COL22A1: variants seen among roughly 807,000 people sequenced by gnomAD.
The protein encoded by COL22A1 is collagen type XXII alpha 1 chain, also known as collagen alpha-1(XXII) chain.
In COL22A1, 221 loss-of-function variants were observed where a neutral mutation model predicts 248.9. The observed-to-expected ratio is 0.89, with a 90% CI of 0.80 to 0.99. The LOEUF (loss-of-function observed/expected upper bound fraction) is 0.99, where lower values mean the gene tolerates loss of function less well. Ranked by LOEUF, COL22A1 falls within the 50% of genes least tolerant of loss-of-function variation. COL22A1 has a pLI of 0.00. For missense variants in COL22A1, 2,240 were observed against 2,179.0 expected (o/e 1.03, Z -0.56); for synonymous variants, 891 against 793.4 (o/e 1.12, Z -2.07).
At chr8:138,625,537 G>A (rs1820167264) in intron 51 of COL22A1, among the ~76,000 whole-genome samples, 1 of 152,176 alleles carries the variant, frequency 6.6e-6, no homozygotes. Context: ...ATATTAAATG[G>A]AAAAGTTCAG....
intron 2 of COL22A1, among the ~76,000 whole-genome samples, chr8:138,879,352 C>T (rs185656044): frequency 0.012 from 1,868 of 152,198 alleles, 18 homozygotes; most frequent in Non-Finnish European, 0.018. Context: ...GAAGTGTTTT[C>T]CAATCTCTAG....
In COL22A1 at chr8:138,596,946, G is replaced by T. The variant is rs777975149; in HGVS notation, c.4390C>A (p.Leu1464Met). The T allele has an allele frequency of 7.4e-6, 12 of 1,614,014 alleles. No homozygotes were observed. The highest frequency in any genetic ancestry group is 1.1e-5 in the South Asian group (1 of 91,062). The change falls in exon 62 of 65, where the codon CTG becomes ATG. Residue 1464 changes from leucine (L) to methionine (M), a missense_variant. Transcript: ENST00000303045. ...AGCTCTTCTTGAATAAGCCGACGCA[G>T]GGTTTCCATGGATGGAGACTCCCCC... ...LRGESPSMET[L>M]RRLIQEELGK...
chr8:138,890,455 T>C (rs1209443562), intron 1 of COL22A1, among the ~76,000 whole-genome samples: 2 of 152,106 alleles, frequency 1.3e-5, no homozygotes, highest in African/African-American at 2.4e-5. Context: ...GATGGCCTTA[T>C]CTTTTTTTTT....
At position 138,826,789 on chromosome 8, in the gene COL22A1, A is replaced by T; in HGVS notation, c.846-8T>A. 1 of 1,613,930 alleles carries T rather than the reference A, an allele frequency of 6.2e-7. No homozygotes were observed. The highest frequency in any genetic ancestry group is 2.2e-5 in the East Asian group (1 of 44,870). ...CCTTGGGGGAACACATCCCTGGAGA[A>T]AAATGGAGACAAAGACACCAGGCTT... On this transcript the variant is annotated splice_region_variant and splice_polypyrimidine_tract_variant and intron_variant, in intron 5 of 64. Coordinates refer to ENST00000303045, the MANE Select transcript of COL22A1 (RefSeq NM_152888.3).
chr8:138,841,548 TG>T (rs1246812180), intron 4 of COL22A1, among the ~76,000 whole-genome samples: 2 of 152,042 alleles, frequency 1.3e-5, no homozygotes, highest in Non-Finnish European at 2.9e-5. Flanking sequence ...ACTGCATCTT[TG>T]GGGGCTAGCA....
intron 22 of COL22A1, among the ~76,000 whole-genome samples, chr8:138,738,841 C>T (rs375600977): frequency 2.0e-5 from 3 of 152,170 alleles, no homozygotes; most frequent in African/African-American, 7.2e-5. Flanking sequence ...CAACTCTGGC[C>T]CTCTTCTCTC....
chr8:138,839,263 T>C (rs1820681625), intron 4 of COL22A1, among the ~76,000 whole-genome samples: 2 of 152,120 alleles, frequency 1.3e-5, no homozygotes, highest in Admixed American at 6.5e-5. Flanking sequence ...GTTGCCATCA[T>C]GAACAAGCAT....
intron 17 of COL22A1, 71 bp from the exon 18 acceptor site, chr8:138,760,358 C>A (rs77444657): frequency 8.3e-6 from 12 of 1,439,046 alleles, no homozygotes; most frequent in South Asian, 1.3e-5. Context: ...TGGGGAGAAA[C>A]AGGTTGAAAG....
rs779119565 is a variant in COL22A1 at position 138,607,973 on chromosome 8, G to A, written c.3995C>T (p.Pro1332Leu). ...PRGPPGKNGS[P>L]GSPGEPGPSG... is the part of the protein sequence containing the mutation. Reference sequence around the variant, plus strand: ...AGGGCCAGGCTCTCCTGGAGATCCCGGTGATCCATTCTTGCCCTGGTGGAA... The same window carrying A: ...AGGGCCAGGCTCTCCTGGAGATCCCAGTGATCCATTCTTGCCCTGGTGGAA... The change falls in exon 57 of 65, where the codon CCG (proline) becomes CTG (leucine). Residue 1332 changes from proline (P) to leucine (L), a missense_variant. Physicochemically the swap from Pro to Leu is moderately conservative, Grantham distance 98. Transcript: ENST00000303045. The A allele has an allele frequency of 1.3e-5, 21 of 1,613,916 alleles. No individual in the cohort carries two copies. The highest frequency in any genetic ancestry group is 2.2e-5 in the South Asian group (2 of 91,056).
intron 47 of COL22A1, among the ~76,000 whole-genome samples, chr8:138,643,231 C>G (rs1288376132): frequency 6.6e-6 from 1 of 152,116 alleles, no homozygotes. Context: ...TTCCTGATAC[C>G]TTTCAATCTA....
At chr8:138,745,935 T>A (rs957148629) in intron 22 of COL22A1, among the ~76,000 whole-genome samples, 1 of 152,188 alleles carries the variant, frequency 6.6e-6, no homozygotes, top group Non-Finnish European at 1.5e-5. Flanking sequence ...ATTAAAGCCT[T>A]GGAAAGAGAA....
At chr8:138,691,418 T>A (rs557522253) in intron 35 of COL22A1, among the ~76,000 whole-genome samples, 23 of 151,726 alleles carry the variant, frequency 1.5e-4, no homozygotes, top group African/African-American at 5.3e-4. Flanking sequence ...TGTGTGCACG[T>A]CCATGTGTGC....
rs372253853 is a variant in COL22A1 at position 138,688,878 on chromosome 8, G to A, written c.2862+39C>T. The A allele has an allele frequency of 4.6e-4, 723 of 1,563,070 alleles. 3 individuals are homozygous for A. The highest frequency in any genetic ancestry group is 5.2e-4 in the Non-Finnish European group (594 of 1,133,750). Reference sequence around the variant, plus strand: ...CCTTCAGTGCCTGTAAGAAGTTAAGGATATTCACTTGTGTGCTGAGAGATC... The same window carrying A: ...CCTTCAGTGCCTGTAAGAAGTTAAGAATATTCACTTGTGTGCTGAGAGATC... On this transcript the variant is annotated intron_variant, in intron 37 of 64. Transcript: ENST00000303045.
intron 41 of COL22A1, among the ~76,000 whole-genome samples, chr8:138,668,081 C>G (rs548962804): frequency 6.6e-6 from 1 of 151,944 alleles, no homozygotes; most frequent in Admixed American, 6.5e-5. Flanking sequence ...AACACAGAAG[C>G]GTGACATGTA....
intron 30 of COL22A1, among the ~76,000 whole-genome samples, chr8:138,713,539 GC>G (rs1829194183): frequency 6.6e-6 from 1 of 152,170 alleles, no homozygotes; most frequent in African/African-American, 2.4e-5. Flanking sequence ...AGACAAATAG[GC>G]CCGTGGACAA....
rs557545070 is a variant in COL22A1, at chr8:138,722,000, G to A, written c.2301+36C>T. On this transcript the variant is annotated intron_variant, in intron 26 of 64. Coordinates refer to ENST00000303045, the MANE Select transcript of COL22A1 (RefSeq NM_152888.3). ...CATCTCTTTAGTTTCTGTGTTTTGG[G>A]TTCCCAAACTGGTGCCAACCGCATC... 5 of 1,532,642 alleles carry A rather than the reference G, an allele frequency of 3.3e-6. No individual in the cohort carries two copies. The Admixed American group carries it at 5.8e-5, about 18-fold the overall frequency. 94.9% of individuals were successfully genotyped at this position (1,532,642 alleles called of 1,614,324 possible).
intron 9 of COL22A1, 119 bp downstream of exon 9, chr8:138,811,680 A>T: frequency 8.5e-7 from 1 of 1,180,972 alleles, no homozygotes; most frequent in Non-Finnish European, 1.3e-6. Flanking sequence ...GGGTGCTGTC[A>T]GCTGACAGCC....
intron 11 of COL22A1, among the ~76,000 whole-genome samples, chr8:138,800,795 G>A (rs1019617403): frequency 5.3e-5 from 8 of 152,106 alleles, no homozygotes; most frequent in Non-Finnish European, 1.0e-4. Flanking sequence ...CCCTTCCTTT[G>A]AACCCAGCTA....
chr8:138,902,296 G>A (rs1448602748), intron 1 of COL22A1, among the ~76,000 whole-genome samples: 2 of 152,214 alleles, frequency 1.3e-5, no homozygotes, highest in African/African-American at 2.4e-5. Flanking sequence ...GAAAAAGAGA[G>A]AGGAACAGAG....
Sources: allele counts gnomAD v4.1 joint callset (sites outside exome capture counted in the v4.1 genomes callset), GRCh38; gene constraint gnomAD v4.1.1; transcripts MANE v1.5; gene names NCBI Gene and HGNC (gene_info 2026-07-23, HGNC 2026-07-21).